The following FRYL variants were observed in gnomAD, a reference collection of about 807,000 sequenced individuals.
FRYL encodes the protein FRY like transcription coactivator, also known as protein furry homolog-like.
FRYL carries 150 observed loss-of-function variants against 351.2 expected under a neutral mutation model. The ratio of observed to expected loss-of-function variants is 0.43; its 90% CI spans 0.37 to 0.49. The LOEUF (loss-of-function observed/expected upper bound fraction) is 0.49, where lower values mean the gene tolerates loss of function less well. Ranked by LOEUF, FRYL falls within the 20% of genes least tolerant of loss-of-function variation. The probability of loss-of-function intolerance (pLI) is 0.00; values close to 1 mark genes in which losing one functional copy is unlikely to be tolerated. For synonymous variants in FRYL, 1,153 were observed against 1,257.1 expected, an observed-to-expected ratio of 0.92 and a Z score of 1.75; for missense variants, 3,036 against 3,619.3, an observed-to-expected ratio of 0.84 and a Z score of 4.13.
In FRYL at chr4:48,567,309, T is replaced by G. The variant is rs1258076396; in HGVS notation, c.3108A>C (p.Thr1036=). 1.9e-6 allele frequency: 3 copies of G among 1,613,024 alleles called. No homozygotes were observed. ...TAAAATGGCATCGTATATCCTTCAGTGTGTCAGAGTCTTTTTCATTTTCTG... is the reference window on the plus strand; with the variant it reads ...TAAAATGGCATCGTATATCCTTCAGGGTGTCAGAGTCTTTTTCATTTTCTG... The part of the protein sequence containing the change: ...LEAENEKDSD[T]LKDIRCHFSA... The change falls in exon 28 of 64, where the codon ACA becomes ACC. Residue 1036 remains threonine (T), a synonymous_variant. Transcript: ENST00000358350. This position sits in a 1 kb window ranked among gnomAD's most constrained non-coding sequence, Gnocchi z 4.2.
rs1329545022 is a variant in FRYL, at chr4:48,634,549, A to G, written c.-80-59T>C. ...AATAAATCAACTCAAGAGGTCTACC[A>G]TAACTACCCTATTTAATTTGTAAGC... On this transcript the variant is annotated intron_variant, in intron 3 of 63. Transcript: ENST00000358350. The G allele has an allele frequency of 3.8e-6, 5 of 1,305,592 alleles. No homozygotes were observed. In the African/African-American group the frequency reaches 4.4e-5, roughly 12 times the overall value. 80.9% of individuals were successfully genotyped at this position (1,305,592 alleles called of 1,614,324 possible).
At chr4:48,652,396 T>G (rs1488089906) in intron 3 of FRYL, among the ~76,000 whole-genome samples, 2 of 152,226 alleles carry the variant, frequency 1.3e-5, no homozygotes, top group East Asian at 3.8e-4. Flanking sequence ...CCAGTTTACT[T>G]GAGCAAAAAT....
At chr4:48,544,936 G>T in intron 42 of FRYL, 32 bp from the exon 43 acceptor site, 1 of 1,571,500 alleles carries the variant, frequency 6.4e-7, no homozygotes, top group East Asian at 2.3e-5. Flanking sequence ...AATTTCCTTG[G>T]ATTTTCACTT....
At chr4:48,662,944 C>T (rs1380158695) in intron 3 of FRYL, among the ~76,000 whole-genome samples, 3 of 151,876 alleles carry the variant, frequency 2.0e-5, no homozygotes, top group Admixed American at 1.3e-4. Flanking sequence ...GACTTTGTCA[C>T]CAACAAATCT....
At chr4:48,775,284 T>G (rs1478001060) in intron 1 of FRYL, among the ~76,000 whole-genome samples, 1 of 152,224 alleles carries the variant, frequency 6.6e-6, no homozygotes, top group African/African-American at 2.4e-5. Context: ...CTACCTTTAA[T>G]CCACATGTTC....
chr4:48,538,718 C>CT (rs1036520769), intron 47 of FRYL, among the ~76,000 whole-genome samples: 45 of 146,954 alleles, frequency 3.1e-4, no homozygotes, highest in South Asian at 4.3e-4. Flanking sequence ...AAAAAACTTC[C>CT]TTTTTTTTTT....
Position 48,527,673 on chromosome 4 carries a change from A to C in FRYL, c.7141-20T>G. On this transcript the variant is annotated intron_variant, in intron 52 of 63. Coordinates refer to ENST00000358350, the MANE Select transcript of FRYL (RefSeq NM_015030.2). ...TACAACCTGATGCCCGATTAAAAAA[A>C]AAAAAAAAGTCCATCCATCAGATTT... The C allele has an allele frequency of 6.3e-7, 1 of 1,582,226 alleles. No homozygotes were observed. The highest frequency in any genetic ancestry group is 8.5e-7 in the Non-Finnish European group (1 of 1,169,620).
intron 52 of FRYL, 98 bp downstream of exon 52, chr4:48,527,873 G>T: frequency 9.2e-7 from 1 of 1,082,982 alleles, no homozygotes; most frequent in Non-Finnish European, 1.3e-6. Flanking sequence ...AATACCGTAA[G>T]TAAGGTAAAT....
intron 2 of FRYL, among the ~76,000 whole-genome samples, chr4:48,702,619 C>T (rs1377064317): frequency 1.6e-4 from 24 of 150,760 alleles, no homozygotes; most frequent in African/African-American, 2.4e-4. Context: ...AAAAATTAGC[C>T]GGGCATGGTG....
intron 1 of FRYL, among the ~76,000 whole-genome samples, chr4:48,721,478 T>C (rs187483200): frequency 1.1e-4 from 16 of 151,798 alleles, no homozygotes; most frequent in Admixed American, 2.6e-4. Flanking sequence ...CCTGGCAACA[T>C]AGGGAGACCC....
chr4:48,552,471 G>A (rs1276479667), intron 36 of FRYL, among the ~76,000 whole-genome samples: 1 of 151,966 alleles, frequency 6.6e-6, no homozygotes, highest in East Asian at 1.9e-4. Flanking sequence ...TTTATGAAAA[G>A]ACAGATCTAG....
Position 48,497,755 on chromosome 4 carries a change from T to C in FRYL, c.*1667A>G, listed in dbSNP as rs1004784366. ...AGTACCAGAACACCATCAAAATAAT[T>C]GTCTTTATCAGGGTCAAAAAATACA... is the stretch of plus-strand genomic sequence containing the variant. On this transcript the variant is annotated 3_prime_UTR_variant, in exon 64 of 64. Coordinates refer to ENST00000358350, the MANE Select transcript of FRYL (RefSeq NM_015030.2). 6.6e-6 allele frequency: 1 copy of C among 152,602 alleles called. No homozygotes were observed. The highest frequency in any genetic ancestry group is 2.4e-5 in the African/African-American group (1 of 41,456). The allele number at this position is 152,602 out of a possible 1,614,324, so 9.5% of individuals were successfully genotyped here. A position where few individuals can be genotyped will look rare whatever the true frequency, so the allele number is the denominator to read the frequency against.
At chr4:48,679,537 C>T (rs1001600498) in intron 3 of FRYL, among the ~76,000 whole-genome samples, 1 of 151,390 alleles carries the variant, frequency 6.6e-6, no homozygotes, top group African/African-American at 2.4e-5. Flanking sequence ...CTAGGAAGGG[C>T]AGGGGGAAGG....
chr4:48,720,206 T>C (rs1769315838), intron 1 of FRYL, among the ~76,000 whole-genome samples: 1 of 142,942 alleles, frequency 7.0e-6, no homozygotes, highest in African/African-American at 2.5e-5. Context: ...CATTTTAAAA[T>C]GTACATTAAG....
intron 19 of FRYL, among the ~76,000 whole-genome samples, chr4:48,583,605 GAA>G: frequency 7.1e-6 from 1 of 141,626 alleles, no homozygotes; most frequent in East Asian, 2.1e-4. Context: ...TACATGCCTA[GAA>G]AAAAAAAAAA....
rs1312063151 is a variant in FRYL at position 48,659,924 on chromosome 4, A to G, written c.-81+24749T>C. ...GGAGAAGGAGAAGGAGAAGGAGAAG[A>G]AGAAGAAGAAGAAGAAGAAGAAGAA... On this transcript the variant is annotated intron_variant, in intron 3 of 63. Transcript: ENST00000358350. Among the ~76,000 whole-genome samples, 9 of 96,658 alleles carry G rather than the reference A, an allele frequency of 9.3e-5. 1 individual carries two copies. Among genetic ancestry groups the G allele is most frequent in the African/African-American group, 3.8e-4 (9 of 23,902 alleles). The allele number at this position is 96,658 out of a possible 152,430, so 63.4% of individuals were successfully genotyped here.
In FRYL at chr4:48,553,262, G is replaced by A. The variant is rs1215777648; in HGVS notation, c.4388C>T (p.Pro1463Leu). Residue 1463 changes from proline to leucine, a missense_variant, in exon 36 of 64, where the codon CCG (proline) becomes CTG (leucine). Around this residue, in one of 7 missense-constraint regions of FRYL, gnomAD observed 1,987 missense variants for 2,311.7 expected, o/e 0.86. Coordinates refer to ENST00000358350, the MANE Select transcript of FRYL (RefSeq NM_015030.2). The part of the protein sequence containing the change: ...SSGVTHMDNP[P>L]YYRITSSYKI... The stretch of plus-strand genomic sequence containing the variant: ...ATAGCTGGAAGTGATGCGATAATAC[G>A]GGGGATTATCCATGTGAGTGACCCC... 9 of 1,613,140 alleles carry A rather than the reference G, an allele frequency of 5.6e-6. No homozygotes were observed. Among genetic ancestry groups the A allele is most frequent in the Admixed American group, 3.3e-5 (2 of 59,922 alleles).
At chr4:48,748,929 AAG>A (rs1371928614) in intron 1 of FRYL, among the ~76,000 whole-genome samples, 3 of 152,208 alleles carry the variant, frequency 2.0e-5, no homozygotes, top group African/African-American at 7.2e-5. Flanking sequence ...GATTGGAAGC[AAG>A]AGAGTCATCC....
chr4:48,616,542 C>G (rs1039602862), intron 7 of FRYL, among the ~76,000 whole-genome samples: 1 of 152,162 alleles, frequency 6.6e-6, no homozygotes, highest in Non-Finnish European at 1.5e-5. Context: ...AGCAAGAGAG[C>G]TGGCATATTA....
Sources: gnomAD v4.1 joint callset for allele counts (sites outside exome capture counted in the v4.1 genomes callset) on GRCh38, gnomAD v4.1.1 for gene constraint, gnomAD v4.1.1 regional missense constraint, Gnocchi (gnomAD v3.1) non-coding constraint, MANE v1.5 for transcripts, NCBI Gene and HGNC (gene_info 2026-07-23, HGNC 2026-07-21) for gene names.